Variants in SGCZ observed in about 807,000 individuals in gnomAD.
SGCZ encodes zeta-sarcoglycan.
Under a neutral mutation model 41.3 loss-of-function variants are expected in SGCZ, and 40 were observed. The ratio of observed to expected loss-of-function variants is 0.97; its 90% CI spans 0.75 to 1.26. The LOEUF (loss-of-function observed/expected upper bound fraction) is 1.26. Ranked by LOEUF, SGCZ falls within the 50% of genes most tolerant of loss-of-function variation. The pLI, the probability that SGCZ is intolerant of heterozygous loss-of-function variation, is 0.00. For synonymous variants in SGCZ, 206 were observed against 137.5 expected, an observed-to-expected ratio of 1.50 and a Z score of -3.49; for missense variants, 552 against 369.8, an observed-to-expected ratio of 1.49 and a Z score of -4.04.
chr8:14,469,502 G>A (rs914364457), intron 2 of SGCZ, among the ~76,000 whole-genome samples: 1 of 151,894 alleles, frequency 6.6e-6, no homozygotes, highest in African/African-American at 2.4e-5. Context: ...CATGAGTGTG[G>A]CATTATAAAA....
intron 1 of SGCZ, among the ~76,000 whole-genome samples, chr8:14,973,544 A>G (rs777939944): frequency 1.3e-5 from 2 of 152,100 alleles, no homozygotes; most frequent in Non-Finnish European, 2.9e-5. Context: ...ACCGTAATGA[A>G]TATGCATTCT....
chr8:14,585,161 A>G (rs1397582524), intron 1 of SGCZ, among the ~76,000 whole-genome samples: 1 of 152,152 alleles, frequency 6.6e-6, no homozygotes, highest in East Asian at 1.9e-4. Context: ...TTATGATAAC[A>G]AGGAAACTCT....
At chr8:15,109,180 C>A (rs533035483) in intron 1 of SGCZ, among the ~76,000 whole-genome samples, 1 of 152,264 alleles carries the variant, frequency 6.6e-6, no homozygotes, top group Non-Finnish European at 1.5e-5. Context: ...TGATGGAGAT[C>A]ATTCTGCAGA....
At chr8:15,023,152 C>G (rs956818306) in intron 1 of SGCZ, among the ~76,000 whole-genome samples, 1 of 152,164 alleles carries the variant, frequency 6.6e-6, no homozygotes, top group Non-Finnish European at 1.5e-5. Context: ...CAGATAATCA[C>G]GCTTGCTGAA....
chr8:14,794,486 A>G (rs1801060550), intron 1 of SGCZ, among the ~76,000 whole-genome samples: 3 of 152,194 alleles, frequency 2.0e-5, no homozygotes, highest in Non-Finnish European at 2.9e-5. Context: ...AATTCCCCAG[A>G]ATATTCCCAG....
At chr8:14,383,158 C>G (rs961745158) in intron 2 of SGCZ, among the ~76,000 whole-genome samples, 1 of 152,182 alleles carries the variant, frequency 6.6e-6, no homozygotes, top group Non-Finnish European at 1.5e-5. Context: ...GAAGGCTATG[C>G]TATAAATCAA....
intron 1 of SGCZ, among the ~76,000 whole-genome samples, chr8:15,160,189 A>G (rs1799468590): frequency 6.6e-6 from 1 of 152,154 alleles, no homozygotes; most frequent in Non-Finnish European, 1.5e-5. Flanking sequence ...TGACTACTCT[A>G]GACATCTCAG....
At chr8:15,214,199 G>T (rs1303913409) in intron 1 of SGCZ, among the ~76,000 whole-genome samples, 1 of 151,878 alleles carries the variant, frequency 6.6e-6, no homozygotes, top group Non-Finnish European at 1.5e-5. Context: ...CTAATAGAAT[G>T]ATCCATAATA....
intron 1 of SGCZ, among the ~76,000 whole-genome samples, chr8:14,823,055 TA>T (rs34307530): frequency 0.22 from 16,564 of 75,502 alleles, 1,025 homozygotes; most frequent in East Asian, 0.32. Flanking sequence ...CCAATCCTCA[TA>T]AAAAAAAAAA....
intron 2 of SGCZ, among the ~76,000 whole-genome samples, chr8:14,400,007 G>A (rs28681448): frequency 0.039 from 5,876 of 151,350 alleles, 349 homozygotes; most frequent in African/African-American, 0.13. Flanking sequence ...TTCCTCCCCC[G>A]TTAAGCCCCT....
At chr8:14,299,559 GC>G (rs1801120208) in intron 3 of SGCZ, among the ~76,000 whole-genome samples, 1 of 151,902 alleles carries the variant, frequency 6.6e-6, no homozygotes, top group Non-Finnish European at 1.5e-5. Flanking sequence ...ATAAAAGAGT[GC>G]TCAACATCAT....
At chr8:15,185,923 C>G (rs778703667) in intron 1 of SGCZ, among the ~76,000 whole-genome samples, 16 of 151,854 alleles carry the variant, frequency 1.1e-4, no homozygotes, top group Admixed American at 2.0e-4. Context: ...ATTTAAGCAG[C>G]ATACAAGTTA....
chr8:15,212,535 T>G (rs780491908), intron 1 of SGCZ, among the ~76,000 whole-genome samples: 1 of 152,130 alleles, frequency 6.6e-6, no homozygotes, highest in Middle Eastern at 3.2e-3. Context: ...AATTTGCCAC[T>G]TTCTAACCAT....
intron 1 of SGCZ, among the ~76,000 whole-genome samples, chr8:14,974,458 T>A (rs1801399851): frequency 6.6e-6 from 1 of 152,136 alleles, no homozygotes; most frequent in Admixed American, 6.5e-5. Context: ...GAAAGAGAAA[T>A]CGCTAACCTG....
intron 1 of SGCZ, among the ~76,000 whole-genome samples, chr8:14,832,776 C>T (rs969081436): frequency 2.6e-5 from 4 of 152,006 alleles, no homozygotes; most frequent in Non-Finnish European, 5.9e-5. Context: ...TAAAACATTA[C>T]AGTGAAAATT....
intron 1 of SGCZ, among the ~76,000 whole-genome samples, chr8:15,167,658 C>A (rs999213325): frequency 8.1e-6 from 1 of 123,028 alleles, no homozygotes; most frequent in Non-Finnish European, 1.7e-5. Flanking sequence ...ACCACTCAGT[C>A]CTTTTTATAA....
At chr8:14,182,967 G>A (rs915136972) in intron 4 of SGCZ, among the ~76,000 whole-genome samples, 5 of 141,850 alleles carry the variant, frequency 3.5e-5, no homozygotes, top group African/African-American at 1.3e-4. Flanking sequence ...CCGAGATCGT[G>A]CCATTGCACT....
intron 1 of SGCZ, among the ~76,000 whole-genome samples, chr8:14,980,706 A>G (rs1563408293): frequency 6.6e-6 from 1 of 151,074 alleles, no homozygotes; most frequent in Non-Finnish European, 1.5e-5. Flanking sequence ...CCATGAGAAC[A>G]TTATGGGGGA....
chr8:15,045,285 C>T (rs10888101), intron 1 of SGCZ, among the ~76,000 whole-genome samples: 138,066 of 152,008 alleles, frequency 0.91, 63,483 homozygotes, highest in East Asian at 1. Context: ...TTTTACAGAG[C>T]TGATGAAAAC....
Sources: gnomAD v4.1 joint callset for allele counts (sites outside exome capture counted in the v4.1 genomes callset) on GRCh38, gnomAD v4.1.1 for gene constraint, MANE v1.5 for transcripts, NCBI Gene and HGNC (gene_info 2026-07-23, HGNC 2026-07-21) for gene names.